Variants in MAPK8 observed in about 807,000 individuals in gnomAD.
MAPK8 encodes the protein mitogen-activated protein kinase 8, also known as JUN N-terminal kinase.
In MAPK8, 13 loss-of-function variants were observed where a neutral mutation model predicts 52.9. The observed-to-expected ratio is 0.25, with a 90% CI of 0.16 to 0.39. The LOEUF (loss-of-function observed/expected upper bound fraction) is 0.39, where lower values mean the gene tolerates loss of function less well. Ranked by LOEUF, MAPK8 falls within the 10% of genes least tolerant of loss-of-function variation. The pLI, the probability that MAPK8 is intolerant of heterozygous loss-of-function variation, is 1.00. For missense variants in MAPK8, 300 were observed against 519.2 expected (o/e 0.58, Z 4.10); for synonymous variants, 191 against 169.8 (o/e 1.12, Z -0.97).
At chr10:48,413,321 G>A (rs539686066) in intron 5 of MAPK8, among the ~76,000 whole-genome samples, 11 of 152,224 alleles carry the variant, frequency 7.2e-5, no homozygotes, top group Admixed American at 2.6e-4. Context: ...TGGAATTGCC[G>A]GATCACATGG....
At position 48,437,493 on chromosome 10, in the gene MAPK8, T is replaced by C. The variant is rs1394172847; in HGVS notation, c.*2464T>C. The C allele has an allele frequency of 6.6e-6, 1 of 152,224 alleles. No individual in the cohort carries two copies. The highest frequency in any genetic ancestry group is 1.5e-5 in the Non-Finnish European group (1 of 68,032). The allele number at this position is 152,224 out of a possible 1,614,324, so 9.4% of individuals were successfully genotyped here. On this transcript the variant is annotated 3_prime_UTR_variant, in exon 12 of 12. Transcript: ENST00000374189. The stretch of plus-strand genomic sequence containing the variant: ...CTGTCTTACTATCAGAAAGTTATTT[T>C]GACCAAGATTTTTATTATCTTCATA...
intron 1 of MAPK8, among the ~76,000 whole-genome samples, chr10:48,308,521 T>A (rs1841627052): frequency 6.6e-6 from 1 of 152,176 alleles, no homozygotes; most frequent in Non-Finnish European, 1.5e-5. Context: ...GTCTAAATAT[T>A]TTTTTAATAT....
intron 1 of MAPK8, among the ~76,000 whole-genome samples, chr10:48,329,238 C>G (rs1028403905): frequency 2.6e-5 from 4 of 152,220 alleles, no homozygotes; most frequent in African/African-American, 9.6e-5. Context: ...CCTCTTTCCT[C>G]TGCTAGTTAA....
chr10:48,368,661 G>A (rs1235922417), intron 1 of MAPK8, among the ~76,000 whole-genome samples: 1 of 152,188 alleles, frequency 6.6e-6, no homozygotes, highest in Non-Finnish European at 1.5e-5. Context: ...GGGAGATTCA[G>A]GGTCAAAATT....
Position 48,437,812 on chromosome 10 carries a change from C to T in MAPK8, c.*2783C>T, listed in dbSNP as rs757786822. On this transcript the variant is annotated 3_prime_UTR_variant, in exon 12 of 12. Transcript: ENST00000374189. ...GCCTCTTAAATCAGAAGCCTACACACAACCCCCTTAACAATCCAAAGAAGC... is the reference window on the plus strand; with the variant it reads ...GCCTCTTAAATCAGAAGCCTACACATAACCCCCTTAACAATCCAAAGAAGC... The T allele has an allele frequency of 6.6e-6, 1 of 152,266 alleles. No homozygotes were observed. The highest frequency in any genetic ancestry group is 1.9e-4 in the East Asian group (1 of 5,198). 9.4% of individuals were successfully genotyped at this position (152,266 alleles called of 1,614,324 possible).
chr10:48,425,831 A>ACAAGAATACATTC, intron 7 of MAPK8, 57 bp from the exon 8 acceptor site: 7 of 818,972 alleles, frequency 8.5e-6, no homozygotes, highest in Non-Finnish European at 1.2e-5. Flanking sequence ...TAATATGAAT[A>ACAAGAATACATTC]TGACTAATGT....
intron 1 of MAPK8, among the ~76,000 whole-genome samples, chr10:48,340,025 T>C (rs1234683435): frequency 6.6e-6 from 1 of 152,194 alleles, no homozygotes; most frequent in Non-Finnish European, 1.5e-5. Flanking sequence ...AGAACTACCA[T>C]TCAAACCAGC....
intron 6 of MAPK8, 24 bp downstream of exon 6, chr10:48,420,344 ATAT>A (rs752228869): frequency 1.1e-4 from 166 of 1,539,256 alleles, no homozygotes; most frequent in Non-Finnish European, 1.4e-4. Context: ...TTTATTTGAA[ATAT>A]TTTTCTGATT....
At chr10:48,337,929 C>T (rs755528773) in intron 1 of MAPK8, among the ~76,000 whole-genome samples, 6 of 152,034 alleles carry the variant, frequency 3.9e-5, no homozygotes, top group East Asian at 3.8e-4. Flanking sequence ...AGACCAATAA[C>T]GAGTTATAAC....
chr10:48,347,127 G>A (rs529816931), intron 1 of MAPK8, among the ~76,000 whole-genome samples: 3 of 152,162 alleles, frequency 2.0e-5, no homozygotes, highest in African/African-American at 7.2e-5. Flanking sequence ...GGGACCCACC[G>A]ACCCTGTGGG....
intron 6 of MAPK8, among the ~76,000 whole-genome samples, chr10:48,420,900 C>T (rs1175577845): frequency 2.6e-5 from 4 of 152,110 alleles, no homozygotes; most frequent in African/African-American, 9.7e-5. Context: ...ATCAATCAAC[C>T]TAAGAATCAG....
intron 6 of MAPK8, among the ~76,000 whole-genome samples, chr10:48,422,325 C>T (rs758403191): frequency 1.4e-4 from 22 of 152,242 alleles, no homozygotes; most frequent in African/African-American, 4.1e-4. Context: ...TGAGCCACAA[C>T]GCCTGGCCTC....
chr10:48,343,248 A>T (rs1310950981), intron 1 of MAPK8, among the ~76,000 whole-genome samples: 3 of 152,162 alleles, frequency 2.0e-5, no homozygotes, highest in Non-Finnish European at 4.4e-5. Flanking sequence ...CCAGGGGAGA[A>T]TCTGTTCCTT....
At chr10:48,412,547 A>C (rs1324444678) in intron 5 of MAPK8, among the ~76,000 whole-genome samples, 1 of 152,038 alleles carries the variant, frequency 6.6e-6, no homozygotes, top group African/African-American at 2.4e-5. Flanking sequence ...GATATGCTTA[A>C]TGGTATGCCA....
intron 5 of MAPK8, among the ~76,000 whole-genome samples, chr10:48,411,107 T>C (rs78323283): frequency 6.6e-6 from 1 of 152,256 alleles, no homozygotes; most frequent in African/African-American, 2.4e-5. Flanking sequence ...TTTCCTTTAA[T>C]GCACAAAAAC....
chr10:48,345,848 C>A (rs1845718777), intron 1 of MAPK8, among the ~76,000 whole-genome samples: 1 of 152,206 alleles, frequency 6.6e-6, no homozygotes, highest in South Asian at 2.1e-4. Context: ...AAATGATGCT[C>A]TTTAGCTGGG....
intron 1 of MAPK8, among the ~76,000 whole-genome samples, chr10:48,318,692 A>G (rs774540560): frequency 9.9e-5 from 15 of 152,172 alleles, no homozygotes; most frequent in Admixed American, 4.6e-4. Context: ...AAAGAGTCTG[A>G]GGTATTAAAA....
chr10:48,390,090 A>G (rs1238503127), intron 1 of MAPK8, among the ~76,000 whole-genome samples: 1 of 152,136 alleles, frequency 6.6e-6, no homozygotes, highest in Non-Finnish European at 1.5e-5. Flanking sequence ...CTCAAGATCT[A>G]GGAAGAGCTG....
At position 48,424,099 on chromosome 10, in the gene MAPK8, T is replaced by G; in HGVS notation, c.628T>G (p.Ser210Ala). The change falls in exon 7 of 12, where the codon TCT (serine) becomes GCT (alanine). Residue 210 changes from serine (S) to alanine (A), a missense_variant. This residue lies in a region of MAPK8 where 147 missense variants were observed against 328.1 expected (regional missense o/e 0.45). Coordinates refer to ENST00000374189, the MANE Select transcript of MAPK8 (RefSeq NM_001323329.2). ...CTGCAAACATATAGTGGATTTATGG[T>G]CTGTGGGGTGCATTATGGGAGAAAT... ...MGYKENVDLWSVGCIMGEMVC... is the reference protein window; with the variant it reads ...MGYKENVDLWAVGCIMGEMVC... 6.2e-7 allele frequency: 1 copy of G among 1,613,350 alleles called. No individual in the cohort carries two copies. The highest frequency in any genetic ancestry group is 8.5e-7 in the Non-Finnish European group (1 of 1,179,436).
Sources: gnomAD v4.1 joint callset for allele counts (sites outside exome capture counted in the v4.1 genomes callset) on GRCh38, gnomAD v4.1.1 for gene constraint, gnomAD v4.1.1 regional missense constraint, MANE v1.5 for transcripts, NCBI Gene and HGNC (gene_info 2026-07-23, HGNC 2026-07-21) for gene names.